The following ATP8B4 variants were observed in gnomAD, a reference collection of about 807,000 sequenced individuals.
The protein encoded by ATP8B4 is probable phospholipid-transporting ATPase IM.
Under a neutral mutation model 145.6 loss-of-function variants are expected in ATP8B4, and 133 were observed. That is an observed-to-expected ratio of 0.91 (90% CI 0.79 to 1.05). The LOEUF is 1.05. ATP8B4 is among the 50% of genes least tolerant of loss of function. ATP8B4 has a pLI of 0.00. For synonymous variants in ATP8B4, 507 were observed against 492.9 expected, an observed-to-expected ratio of 1.03 and a Z score of -0.38; for missense variants, 1,458 against 1,425.2, an observed-to-expected ratio of 1.02 and a Z score of -0.37.
intron 1 of ATP8B4, among the ~76,000 whole-genome samples, chr15:50,129,063 G>A (rs576419205): frequency 5.0e-4 from 76 of 152,132 alleles, no homozygotes; most frequent in Non-Finnish European, 8.2e-4. Context: ...GCGAGACTCC[G>A]TCTCAAAAAA....
chr15:49,978,834 G>GTGTGTA (rs1372848854), intron 12 of ATP8B4, among the ~76,000 whole-genome samples: 3 of 149,776 alleles, frequency 2.0e-5, no homozygotes, highest in Non-Finnish European at 4.4e-5. Context: ...GTGTGTGTGT[G>GTGTGTA]TGTATGTGTT....
At chr15:49,961,418 C>T (rs1167710181) in intron 14 of ATP8B4, among the ~76,000 whole-genome samples, 1 of 152,076 alleles carries the variant, frequency 6.6e-6, no homozygotes, top group Non-Finnish European at 1.5e-5. Flanking sequence ...ATGCAGATAC[C>T]TTTTGATTTA....
At chr15:49,924,979 C>A (rs562814825) in intron 16 of ATP8B4, among the ~76,000 whole-genome samples, 4 of 152,110 alleles carry the variant, frequency 2.6e-5, no homozygotes, top group Non-Finnish European at 1.5e-5. Context: ...TAAAGGCAAA[C>A]GATGAATAAC....
intron 26 of ATP8B4, among the ~76,000 whole-genome samples, chr15:49,865,534 G>A (rs1018126007): frequency 6.6e-6 from 1 of 152,202 alleles, no homozygotes; most frequent in Non-Finnish European, 1.5e-5. Context: ...TGTGGGGGCA[G>A]TCATGCGGAA....
Position 49,979,825 on chromosome 15 carries a change from T to C in ATP8B4, c.838-12A>G. ...AGAAACCCAAAAATCTGAAATAAGATAGAAGTGTGGTTAAGGTTAACTTGA... is the reference window on the plus strand; with the variant it reads ...AGAAACCCAAAAATCTGAAATAAGACAGAAGTGTGGTTAAGGTTAACTTGA... On this transcript the variant is annotated splice_polypyrimidine_tract_variant and intron_variant, in intron 11 of 27. Transcript: ENST00000284509. The C allele has an allele frequency of 4.5e-6, 7 of 1,552,622 alleles. No individual in the cohort carries two copies. Among genetic ancestry groups the C allele is most frequent in the Non-Finnish European group, 6.2e-6 (7 of 1,137,164 alleles).
intron 1 of ATP8B4, among the ~76,000 whole-genome samples, chr15:50,164,108 C>G (rs1195958192): frequency 2.0e-5 from 3 of 152,170 alleles, no homozygotes; most frequent in African/African-American, 7.2e-5. Flanking sequence ...CAGGAGCCTG[C>G]TTGGCGCTCT....
chr15:50,072,196 C>T (rs1040702303), intron 3 of ATP8B4, among the ~76,000 whole-genome samples: 5 of 149,122 alleles, frequency 3.4e-5, no homozygotes, highest in Non-Finnish European at 6.0e-5. Flanking sequence ...CTAATGGACA[C>T]TGCCAAAGTT....
At position 50,002,226 on chromosome 15, in the gene ATP8B4, A is replaced by G; in HGVS notation, c.436-3T>C. 1 of 1,605,180 alleles carries G rather than the reference A, an allele frequency of 6.2e-7. No homozygotes were observed. The highest frequency in any genetic ancestry group is 1.1e-5 in the South Asian group (1 of 90,470). On this transcript the variant is annotated splice_region_variant and splice_polypyrimidine_tract_variant and intron_variant, in intron 7 of 27. Coordinates refer to ENST00000284509, the MANE Select transcript of ATP8B4 (RefSeq NM_024837.4). ...CTTGATAGGAGAAGTAAATCAGCCT[A>G]TTTTCAAAAATCATAACAAAAGAAT...
At chr15:50,158,076 G>C (rs2044450204) in intron 1 of ATP8B4, among the ~76,000 whole-genome samples, 1 of 152,212 alleles carries the variant, frequency 6.6e-6, no homozygotes, top group African/African-American at 2.4e-5. Context: ...GCCCAGGCTG[G>C]AGTGCAGTGG....
intron 2 of ATP8B4, 107 bp from the exon 3 acceptor site, chr15:50,074,292 T>A: frequency 1.1e-6 from 1 of 931,450 alleles, no homozygotes; most frequent in South Asian, 1.7e-5. Context: ...GCTGCAAGAA[T>A]TCTTTTCTTT....
At chr15:50,027,996 T>C (rs533311866) in intron 6 of ATP8B4, among the ~76,000 whole-genome samples, 1 of 152,206 alleles carries the variant, frequency 6.6e-6, no homozygotes, top group Non-Finnish European at 1.5e-5. Flanking sequence ...ACCATCAACT[T>C]TCTTCACATC....
chr15:50,019,781 A>G (rs1432373264), intron 6 of ATP8B4, among the ~76,000 whole-genome samples: 1 of 152,044 alleles, frequency 6.6e-6, no homozygotes, highest in African/African-American at 2.4e-5. Flanking sequence ...TCTTTCTTCA[A>G]ACCTTTTCTT....
At chr15:49,953,075 G>A (rs1441868790) in intron 14 of ATP8B4, among the ~76,000 whole-genome samples, 1 of 152,084 alleles carries the variant, frequency 6.6e-6, no homozygotes. Flanking sequence ...GCAAAAATGG[G>A]TGCCTTCTCC....
intron 20 of ATP8B4, among the ~76,000 whole-genome samples, chr15:49,906,399 T>C (rs2038630639): frequency 6.6e-6 from 1 of 152,216 alleles, no homozygotes; most frequent in Non-Finnish European, 1.5e-5. Context: ...CATTTCTCCA[T>C]ATTCTTTCCA....
At chr15:49,902,491 C>T (rs1343593442) in intron 20 of ATP8B4, among the ~76,000 whole-genome samples, 1 of 152,224 alleles carries the variant, frequency 6.6e-6, no homozygotes, top group Non-Finnish European at 1.5e-5. Context: ...TCTCCTTCTG[C>T]TGTCCAAGAC....
intron 3 of ATP8B4, among the ~76,000 whole-genome samples, chr15:50,061,008 A>T (rs182222650): frequency 4.7e-4 from 72 of 152,252 alleles, no homozygotes; most frequent in African/African-American, 1.7e-3. Flanking sequence ...TGCACTAGAG[A>T]CTATGAACTT....
At position 49,966,359 on chromosome 15, in the gene ATP8B4, A is replaced by G. The variant is rs895559324; in HGVS notation, c.1244-4339T>C. Among the ~76,000 whole-genome samples the G allele has an allele frequency of 4.6e-5, 7 of 152,216 alleles. No homozygotes were observed. The East Asian group carries it at 1.3e-3, about 29-fold the overall frequency. On this transcript the variant is annotated intron_variant, in intron 13 of 27. Coordinates refer to ENST00000284509, the MANE Select transcript of ATP8B4 (RefSeq NM_024837.4). ...CCACCCCCATGGAGCCCAGCAAGCT[A>G]AGATCCACTGGCTTGAAATTCTCAC...
chr15:49,981,207 C>A lies in ATP8B4; in HGVS notation c.836G>T (p.Trp279Leu). The A allele has an allele frequency of 6.3e-7, 1 of 1,582,316 alleles. No homozygotes were observed. Among genetic ancestry groups the A allele is most frequent in the Non-Finnish European group, 8.7e-7 (1 of 1,155,518 alleles). The change falls in exon 11 of 28, where the codon TGG becomes TTG. Residue 279 changes from tryptophan (W) to leucine (L), a missense_variant and splice_region_variant. Physicochemically the swap from Trp to Leu is moderately conservative, Grantham distance 61. Transcript: ENST00000284509. ...ATATTGCCTAGTTTTGTAACTTACC[C>A]ATAGTACTAGAGTATTCATCAATCT... ...IDRLMNTLVL[W>L]IFGFLICLGI...
chr15:50,073,015 TATATACACACACAC>T lies in ATP8B4; in HGVS notation c.87+1098_87+1111del, dbSNP rs1469263861. Among the ~76,000 whole-genome samples the T allele has an allele frequency of 2.5e-3, 90 of 35,874 alleles. 1 individual carries two copies. Among genetic ancestry groups the T allele is most frequent in the African/African-American group, 5.5e-3 (42 of 7,646 alleles). 23.5% of individuals were successfully genotyped at this position (35,874 alleles called of 152,430 possible). A position where few individuals can be genotyped will look rare whatever the true frequency, so the allele number is the denominator to read the frequency against. ...ATATATATATATATATATATATATA[TATATACACACACAC>T]ACACACACACACACACACACACACT... On this transcript the variant is annotated intron_variant, in intron 3 of 27. Transcript: ENST00000284509.
Sources: gnomAD v4.1 joint callset for allele counts (sites outside exome capture counted in the v4.1 genomes callset) on GRCh38, gnomAD v4.1.1 for gene constraint, MANE v1.5 for transcripts, NCBI Gene and HGNC (gene_info 2026-07-23, HGNC 2026-07-21) for gene names.